Variants in ESYT2 observed in about 807,000 individuals in gnomAD.
The protein encoded by ESYT2 is extended synaptotagmin-2.
A neutral mutation model predicts 107.2 loss-of-function variants in ESYT2; 54 were observed. That is an observed-to-expected ratio of 0.50 (90% CI 0.40 to 0.63). The LOEUF (loss-of-function observed/expected upper bound fraction) is 0.63, where lower values mean the gene tolerates loss of function less well. ESYT2 is among the 30% of genes least tolerant of loss of function. The pLI is 0.00. For synonymous variants in ESYT2, 491 were observed against 434.1 expected, an observed-to-expected ratio of 1.13 and a Z score of -1.63; for missense variants, 1,020 against 1,094.5, an observed-to-expected ratio of 0.93 and a Z score of 0.96.
chr7:158,786,325 G>A (rs1029885104), intron 6 of ESYT2, among the ~76,000 whole-genome samples: 4 of 152,154 alleles, frequency 2.6e-5, no homozygotes, highest in African/African-American at 4.8e-5. Flanking sequence ...AGATGGGTAA[G>A]TTAAAAATAC....
Position 158,760,045 on chromosome 7 carries a change from GCTTC to G in ESYT2, c.1323+9_1323+12del, listed in dbSNP as rs1366744848. The G allele has an allele frequency of 6.2e-7, 1 of 1,613,654 alleles. No individual in the cohort carries two copies. Among genetic ancestry groups the G allele is most frequent in the South Asian group, 1.1e-5 (1 of 91,080 alleles). On this transcript the variant is annotated intron_variant, in intron 12 of 22. Transcript: ENST00000275418. ...GGTTAGGTAGTTTTCAAGAGCACAT[GCTTC>G]AACAGCACCTTGTCGAGGTTTGACG...
intron 3 of ESYT2, among the ~76,000 whole-genome samples, chr7:158,795,442 G>A (rs1839428929): frequency 1.3e-5 from 2 of 152,148 alleles, no homozygotes; most frequent in South Asian, 2.1e-4. Context: ...CCACAAACAC[G>A]AACATGCTGT....
At chr7:158,828,973 G>A (rs1439388840) in intron 1 of ESYT2, 116 bp downstream of exon 1, 2 of 1,441,462 alleles carry the variant, frequency 1.4e-6, no homozygotes, top group Non-Finnish European at 1.8e-6. Context: ...AGCCGGGGCA[G>A]GGCTGGGGTC....
chr7:158,741,472 T>TC lies in ESYT2; in HGVS notation c.2168+50_2168+51insG, dbSNP rs1554580274. 4.3e-5 allele frequency: 65 copies of TC among 1,508,694 alleles called. 1 individual carries two copies. In the South Asian group the frequency reaches 5.9e-4, roughly 14 times the overall value. 93.5% of individuals were successfully genotyped at this position (1,508,694 alleles called of 1,614,324 possible). ...TAAACGACTCTCCCCCAGCGTGGGG[T>TC]GGGGGGCGCTTGCTCTGCTGGTGAG... On this transcript the variant is annotated intron_variant, in intron 18 of 22. Coordinates refer to ENST00000275418, the MANE Select transcript of ESYT2 (RefSeq NM_001367773.1).
chr7:158,805,571 A>G (rs1244942405), intron 1 of ESYT2, among the ~76,000 whole-genome samples: 1 of 152,212 alleles, frequency 6.6e-6, no homozygotes, highest in African/African-American at 2.4e-5. Context: ...TTCACACAGT[A>G]AATAAAGCAA....
chr7:158,781,790 CGA>C (rs1563649371), intron 6 of ESYT2, among the ~76,000 whole-genome samples: 4 of 149,582 alleles, frequency 2.7e-5, no homozygotes, highest in East Asian at 4.1e-4. Flanking sequence ...CAAGTGTGAA[CGA>C]GTGTGAGAAC....
intron 14 of ESYT2, 25 bp downstream of exon 14, chr7:158,752,755 TG>T: frequency 2.3e-6 from 3 of 1,289,220 alleles, no homozygotes; most frequent in Non-Finnish European, 3.1e-6. Flanking sequence ...TCATTAACTC[TG>T]TGACCTGAAG....
At chr7:158,827,499 C>T (rs765554885) in intron 1 of ESYT2, 5 of 152,194 alleles carry the variant, frequency 3.3e-5, no homozygotes, top group African/African-American at 4.8e-5. Flanking sequence ...ACACACCCCT[C>T]GGTTTTTCCC....
intron 6 of ESYT2, among the ~76,000 whole-genome samples, chr7:158,783,182 A>G (rs988135094): frequency 1.3e-5 from 2 of 152,174 alleles, no homozygotes; most frequent in African/African-American, 4.8e-5. Context: ...CAGAACGTGT[A>G]CGGCACTCCA....
chr7:158,782,241 G>A (rs1415434886), intron 6 of ESYT2, among the ~76,000 whole-genome samples: 2 of 22,452 alleles, frequency 8.9e-5, no homozygotes, highest in South Asian at 1.6e-3. Context: ...GTAACAACGA[G>A]TGAGAATGAG....
chr7:158,810,173 C>T (rs756156206), intron 1 of ESYT2, among the ~76,000 whole-genome samples: 7 of 152,148 alleles, frequency 4.6e-5, no homozygotes, highest in Non-Finnish European at 1.0e-4. Flanking sequence ...TCTACCCACA[C>T]GTATATATGC....
chr7:158,801,892 C>T (rs1054475835), intron 1 of ESYT2, among the ~76,000 whole-genome samples: 6 of 151,922 alleles, frequency 3.9e-5, no homozygotes, highest in Non-Finnish European at 5.9e-5. Context: ...AAAGACAGAA[C>T]ATTTAACTGT....
chr7:158,810,636 T>C (rs960663357), intron 1 of ESYT2, among the ~76,000 whole-genome samples: 1 of 152,048 alleles, frequency 6.6e-6, no homozygotes, highest in South Asian at 2.1e-4. Context: ...GGGCCGTGAT[T>C]GCGTCACTGC....
At chr7:158,784,137 C>A (rs1839026871) in intron 6 of ESYT2, among the ~76,000 whole-genome samples, 2 of 152,298 alleles carry the variant, frequency 1.3e-5, no homozygotes, top group African/African-American at 4.8e-5. Context: ...CTCCTCTGTA[C>A]CCCCTCTACT....
In ESYT2 at chr7:158,739,075, T is replaced by C; in HGVS notation, c.2215A>G (p.Ile739Val). The change falls in exon 19 of 23, where the codon ATC (isoleucine) becomes GTC (valine). Residue 739 changes from isoleucine to valine, a missense_variant. Physicochemically the swap from Ile to Val is conservative, Grantham distance 29. Transcript: ENST00000275418. The stretch of plus-strand genomic sequence containing the variant: ...TTGTTTCTCTGCGAGCTGTGCCGGA[T>C]GGTCAGCTGGATCTGCCCCAGTGGA... ...QSPLGQIQLTIRHSSQRNKLI... is the reference protein window; with the variant it reads ...QSPLGQIQLTVRHSSQRNKLI... The C allele has an allele frequency of 6.2e-7, 1 of 1,614,130 alleles. No homozygotes were observed. Among genetic ancestry groups the C allele is most frequent in the East Asian group, 2.2e-5 (1 of 44,860 alleles).
intron 3 of ESYT2, among the ~76,000 whole-genome samples, chr7:158,797,681 C>T (rs1218338334): frequency 3.3e-5 from 5 of 151,702 alleles, no homozygotes; most frequent in African/African-American, 4.8e-5. Flanking sequence ...GGTGAAACCC[C>T]GTCTCTACTA....
chr7:158,809,497 A>AAC (rs1554425655), intron 1 of ESYT2, among the ~76,000 whole-genome samples: 4 of 140,622 alleles, frequency 2.8e-5, no homozygotes, highest in African/African-American at 5.1e-5. Context: ...AAAAAAAAAA[A>AAC]CCAGGGGGGA....
intron 1 of ESYT2, among the ~76,000 whole-genome samples, chr7:158,809,130 G>T (rs1290172222): frequency 6.6e-6 from 1 of 152,026 alleles, no homozygotes; most frequent in Admixed American, 6.6e-5. Context: ...CACAGATAAG[G>T]GGGGGCTACT....
At chr7:158,798,382 C>A (rs1316724004) in intron 2 of ESYT2, among the ~76,000 whole-genome samples, 1 of 151,986 alleles carries the variant, frequency 6.6e-6, no homozygotes, top group Non-Finnish European at 1.5e-5. Context: ...TTATATAGTT[C>A]TTCAATTGTA....
Sources: gnomAD v4.1 joint callset for allele counts (sites outside exome capture counted in the v4.1 genomes callset) on GRCh38, gnomAD v4.1.1 for gene constraint, MANE v1.5 for transcripts, NCBI Gene and HGNC (gene_info 2026-07-23, HGNC 2026-07-21) for gene names.